Variants in FABP7 observed in about 807,000 individuals in gnomAD.
The protein encoded by FABP7 is fatty acid-binding protein, brain.
In FABP7, 13 loss-of-function variants were observed where a neutral mutation model predicts 14.2. The observed-to-expected ratio is 0.91, with a 90% CI of 0.59 to 1.45. The LOEUF is 1.45. FABP7 is among the 40% of genes most tolerant of loss of function. FABP7 has a pLI of 0.00. For missense variants in FABP7, 149 were observed against 157.6 expected, an observed-to-expected ratio of 0.95 and a Z score of 0.29; for synonymous variants, 49 against 51.4, an observed-to-expected ratio of 0.95 and a Z score of 0.20.
upstream of FABP7, chr6:122,779,422 CTTCTCTCATTTTCCCG>C (rs989265419): frequency 9.1e-5 from 18 of 197,850 alleles, no homozygotes; most frequent in South Asian, 1.7e-3. Flanking sequence ...CCTGAAAGCC[CTTCTCTCATTTTCCCG>C]TTCCCTGCCT....
the FABP7 span, among the ~76,000 whole-genome samples, chr6:122,763,559 A>G: frequency 6.6e-6 from 1 of 152,228 alleles, no homozygotes; most frequent in Non-Finnish European, 1.5e-5. Context: ...TAAACTAAAG[A>G]GCTTCTGCAC....
chr6:122,769,009 A>C, the FABP7 span, among the ~76,000 whole-genome samples: 1 of 152,144 alleles, frequency 6.6e-6, no homozygotes, highest in Non-Finnish European at 1.5e-5. Context: ...CAGACTCAAA[A>C]ATGCCTCCTG....
intron 3 of FABP7, chr6:122,782,787 C>T: frequency 1.0e-6 from 1 of 985,318 alleles, no homozygotes; most frequent in Non-Finnish European, 1.2e-6. Context: ...ATTCATGTTT[C>T]TGTGGAGATG....
chr6:122,762,049 C>G, the FABP7 span, among the ~76,000 whole-genome samples: 3 of 152,134 alleles, frequency 2.0e-5, no homozygotes, highest in Non-Finnish European at 4.4e-5. Context: ...ATGAGGCCAG[C>G]GTCATCCTGA....
the FABP7 span, among the ~76,000 whole-genome samples, chr6:122,763,908 T>G: frequency 6.6e-6 from 1 of 152,164 alleles, no homozygotes; most frequent in Non-Finnish European, 1.5e-5. Flanking sequence ...CTGGAGAGGA[T>G]GTGGAGAAAT....
chr6:122,773,255 C>A, the FABP7 span, among the ~76,000 whole-genome samples: 1 of 152,148 alleles, frequency 6.6e-6, no homozygotes. Context: ...CAAATGTAAT[C>A]ATTTATCATG....
chr6:122,781,247 C>T (rs777080083), intron 3 of FABP7, 53 bp downstream of exon 3: 51 of 1,576,566 alleles, frequency 3.2e-5, no homozygotes, highest in Non-Finnish European at 4.3e-5. Context: ...TCTCCGCACA[C>T]CTCTCACCTC....
At chr6:122,752,956 T>C in the FABP7 span, among the ~76,000 whole-genome samples, 1 of 152,212 alleles carries the variant, frequency 6.6e-6, no homozygotes, top group Non-Finnish European at 1.5e-5. Context: ...TCCATTGTTT[T>C]TTGCTGTGGT....
the FABP7 span, among the ~76,000 whole-genome samples, chr6:122,766,154 T>C: frequency 2.0e-5 from 3 of 152,134 alleles, no homozygotes; most frequent in Admixed American, 2.0e-4. Context: ...TAGAAACTGC[T>C]GTGAAATGAG....
chr6:122,775,932 G>A (rs569269484), upstream of FABP7, among the ~76,000 whole-genome samples: 2 of 152,142 alleles, frequency 1.3e-5, no homozygotes, highest in African/African-American at 4.8e-5. Flanking sequence ...TGGACAACAG[G>A]CATATGAAAA....
chr6:122,771,080 C>A, the FABP7 span, among the ~76,000 whole-genome samples: 2 of 152,180 alleles, frequency 1.3e-5, no homozygotes, highest in African/African-American at 4.8e-5. Flanking sequence ...GGAATCAGTA[C>A]TTCTGAGCAA....
chr6:122,781,378 T>A, intron 3 of FABP7, 184 bp downstream of exon 3: 2 of 1,450,920 alleles, frequency 1.4e-6, no homozygotes, highest in Non-Finnish European at 1.8e-6. Context: ...CCCAGTTAAT[T>A]TTCTTCTTCA....
intron 3 of FABP7, chr6:122,783,009 A>C (rs1410867690): frequency 1.0e-6 from 1 of 985,332 alleles, no homozygotes; most frequent in Admixed American, 6.2e-5. Context: ...GATTGAGTTC[A>C]AAAAGGAAGA....
chr6:122,775,948 C>T (rs887265867), upstream of FABP7, among the ~76,000 whole-genome samples: 1 of 152,062 alleles, frequency 6.6e-6, no homozygotes, highest in East Asian at 1.9e-4. Context: ...GAAAAATACT[C>T]AACACCACTA....
chr6:122,783,744 G>GTTCGCCACTA lies in FABP7; in HGVS notation c.378_387dup (p.Glu130SerfsTer4). The GTTCGCCACTA allele has an allele frequency of 6.2e-7, 1 of 1,607,494 alleles. No individual in the cohort carries two copies. Among genetic ancestry groups the GTTCGCCACTA allele is most frequent in the African/African-American group, 1.3e-5 (1 of 74,582 alleles). On this transcript the variant is annotated frameshift_variant, in exon 4 of 4. Coordinates refer to ENST00000368444, the MANE Select transcript of FABP7 (RefSeq NM_001446.5). LOFTEE classifies it high-confidence loss of function. Reference sequence around the variant, plus strand: ...CCTTACTTTTGGTGATGTGGTTGCTGTTCGCCACTATGAGAAGGCATAAAA... The same window carrying GTTCGCCACTA: ...CCTTACTTTTGGTGATGTGGTTGCTGTTCGCCACTATTCGCCACTATGAGAAGGCATAAAA...
At chr6:122,755,452 G>A in the FABP7 span, among the ~76,000 whole-genome samples, 1 of 135,908 alleles carries the variant, frequency 7.4e-6, no homozygotes, top group Non-Finnish European at 1.6e-5. Flanking sequence ...CTCCCAATAT[G>A]TTTTGTATTT....
At chr6:122,778,351 G>A (rs181222889), upstream of FABP7, among the ~76,000 whole-genome samples, 41 of 152,320 alleles carry the variant, frequency 2.7e-4, 1 homozygote, top group East Asian at 1.2e-3. Context: ...TGGAAGAAAA[G>A]CAGTTGTGAA....
intron 3 of FABP7, chr6:122,781,740 C>CCAT: frequency 1.4e-6 from 1 of 739,880 alleles, no homozygotes; most frequent in Non-Finnish European, 1.6e-6. Flanking sequence ...AGTGATAACC[C>CCAT]TTTTTTTTTT....
the FABP7 span, among the ~76,000 whole-genome samples, chr6:122,769,099 C>G: frequency 6.6e-6 from 1 of 152,044 alleles, no homozygotes; most frequent in East Asian, 1.9e-4. Flanking sequence ...AGCTTGAGCA[C>G]TTGAGGGTAG....
Sources: allele counts gnomAD v4.1 joint callset (sites outside exome capture counted in the v4.1 genomes callset), GRCh38; gene constraint gnomAD v4.1.1; transcripts MANE v1.5; gene names NCBI Gene and HGNC (gene_info 2026-07-23, HGNC 2026-07-21).